The following CIMAP1D variants were observed in gnomAD, a reference collection of about 807,000 sequenced individuals.
The protein encoded by CIMAP1D is CIMAP1 family member D, also known as protein CIMAP1D.
chr19:487,692 A>AG, the CIMAP1D span, among the ~76,000 whole-genome samples: 13 of 152,158 alleles, frequency 8.5e-5, no homozygotes, highest in South Asian at 2.1e-4. Context: ...AGCATGAGGC[A>AG]GGGGGGATCA....
chr19:473,302 T>C, the CIMAP1D span, among the ~76,000 whole-genome samples: 164 of 7,500 alleles, frequency 0.022, no homozygotes, highest in South Asian at 0.044. Context: ...AACTGAGGCC[T>C]AGGCAGAGAT....
At chr19:480,666 G>T in the CIMAP1D span, among the ~76,000 whole-genome samples, 1,904 of 125,456 alleles carry the variant, frequency 0.015, 12 homozygotes, top group African/African-American at 0.057. Context: ...GAAGGATGAT[G>T]GAGAAGGATG....
the CIMAP1D span, among the ~76,000 whole-genome samples, chr19:469,220 A>AT: frequency 1.2e-3 from 177 of 147,328 alleles, 5 homozygotes; most frequent in South Asian, 3.9e-3. Context: ...GGCTGGGGAG[A>AT]TTCTTTTTTT....
At chr19:488,874 G>C in the CIMAP1D span, among the ~76,000 whole-genome samples, 1 of 151,732 alleles carries the variant, frequency 6.6e-6, no homozygotes, top group African/African-American at 2.4e-5. Context: ...CCCGTGCCGG[G>C]CCCCACGCAA....
chr19:476,976 G>A, the CIMAP1D span, among the ~76,000 whole-genome samples: 1 of 152,212 alleles, frequency 6.6e-6, no homozygotes. Context: ...GGAAGCCAAG[G>A]CAAGCAGATT....
the CIMAP1D span, among the ~76,000 whole-genome samples, chr19:469,822 C>G: frequency 2.6e-5 from 4 of 152,194 alleles, no homozygotes; most frequent in Non-Finnish European, 2.9e-5. Context: ...GCCATCAGGA[C>G]TCCCCATGCT....
the CIMAP1D span, chr19:467,513 C>G: frequency 1.4e-6 from 1 of 715,058 alleles, no homozygotes; most frequent in Non-Finnish European, 2.5e-6. Flanking sequence ...TCCTCCGTGT[C>G]CCTTGGATTT....
At chr19:474,721 G>A in the CIMAP1D span, 1 of 1,547,464 alleles carries the variant, frequency 6.5e-7, no homozygotes, top group Non-Finnish European at 8.7e-7. Context: ...CCAGCCGTGG[G>A]GTGGAGTCGC....
At chr19:491,274 C>CA in the CIMAP1D span, among the ~76,000 whole-genome samples, 30 of 150,826 alleles carry the variant, frequency 2.0e-4, no homozygotes, top group Non-Finnish European at 2.2e-4. Context: ...GACTCCGTCT[C>CA]AAAAAAAAAG....
chr19:479,891 A>G, the CIMAP1D span, among the ~76,000 whole-genome samples: 1 of 152,248 alleles, frequency 6.6e-6, no homozygotes, highest in Non-Finnish European at 1.5e-5. Flanking sequence ...TTCCTTTAAA[A>G]TAGTTACTTT....
At chr19:472,438 C>G in the CIMAP1D span, 3 of 1,547,504 alleles carry the variant, frequency 1.9e-6, no homozygotes, top group Middle Eastern at 1.7e-4. Context: ...ACTGGCCACC[C>G]TGGTGCAGTC....
At chr19:489,959 G>A in the CIMAP1D span, 1 of 398,256 alleles carries the variant, frequency 2.5e-6, no homozygotes, top group Admixed American at 4.4e-5. Flanking sequence ...GCTGAGAGAG[G>A]CCAGAGCGGC....
chr19:479,630 C>T, the CIMAP1D span, among the ~76,000 whole-genome samples: 11 of 152,386 alleles, frequency 7.2e-5, no homozygotes, highest in East Asian at 5.8e-4. Flanking sequence ...GTCTCGATCT[C>T]CTGACCTCGT....
chr19:468,632 C>T, the CIMAP1D span, among the ~76,000 whole-genome samples: 3 of 152,224 alleles, frequency 2.0e-5, no homozygotes, highest in South Asian at 2.1e-4. Flanking sequence ...CGATTGAGAC[C>T]GTTTGCTGCT....
At chr19:490,263 G>T in the CIMAP1D span, 4 of 289,324 alleles carry the variant, frequency 1.4e-5, no homozygotes, top group East Asian at 6.0e-5. Flanking sequence ...GGCCGTCACA[G>T]TAGAATCACT....
chr19:471,342 G>T, the CIMAP1D span, among the ~76,000 whole-genome samples: 1 of 151,968 alleles, frequency 6.6e-6, no homozygotes, highest in Admixed American at 6.6e-5. Flanking sequence ...TAGAGACGGG[G>T]TTTCACCATG....
At chr19:479,432 T>G in the CIMAP1D span, among the ~76,000 whole-genome samples, 1 of 139,086 alleles carries the variant, frequency 7.2e-6, no homozygotes, top group South Asian at 2.4e-4. Context: ...GGGATGGAGT[T>G]TCACCCTTGT....
chr19:473,906 A>AG, the CIMAP1D span, among the ~76,000 whole-genome samples: 56 of 142,404 alleles, frequency 3.9e-4, no homozygotes, highest in Non-Finnish European at 4.7e-4. Flanking sequence ...ACAGATGGGG[A>AG]AACTGAGGCC....
the CIMAP1D span, chr19:464,509 A>G: frequency 1.5e-6 from 1 of 668,626 alleles, no homozygotes; most frequent in Non-Finnish European, 2.7e-6. Context: ...CCCATCCTCC[A>G]TACACATGGT....
Sources: allele counts gnomAD v4.1 joint callset (sites outside exome capture counted in the v4.1 genomes callset), GRCh38; gene constraint gnomAD v4.1.1; transcripts MANE v1.5; gene names NCBI Gene and HGNC (gene_info 2026-07-23, HGNC 2026-07-21).